Variants in CLNS1A observed in about 807,000 individuals in gnomAD.
CLNS1A encodes the protein chloride nucleotide-sensitive channel 1A, also known as methylosome subunit pICln.
Under a neutral mutation model 29.4 loss-of-function variants are expected in CLNS1A, and 16 were observed. That is an observed-to-expected ratio of 0.54 (90% CI 0.37 to 0.83). CLNS1A has a LOEUF of 0.83. CLNS1A is among the 40% of genes least tolerant of loss of function. The pLI, the probability that CLNS1A is intolerant of heterozygous loss-of-function variation, is 0.00. For missense variants in CLNS1A, 235 were observed against 287.4 expected (o/e 0.82, Z 1.32); for synonymous variants, 96 against 104.8 (o/e 0.92, Z 0.51).
chr11:77,630,015 C>CT, intron 1 of CLNS1A, 116 bp from the exon 2 acceptor site: 1 of 860,618 alleles, frequency 1.2e-6, no homozygotes, highest in Non-Finnish European at 1.7e-6. Context: ...TTCAAGTTTA[C>CT]TTTTTTAGAA....
intron 6 of CLNS1A, 98 bp downstream of exon 6, chr11:77,619,508 A>G: frequency 2.5e-6 from 2 of 800,598 alleles, no homozygotes; most frequent in Non-Finnish European, 4.2e-6. Context: ...TGGGTGACAG[A>G]GTAAGACCCT....
chr11:77,631,779 C>T (rs1320003111), intron 1 of CLNS1A, among the ~76,000 whole-genome samples: 2 of 151,996 alleles, frequency 1.3e-5, no homozygotes, highest in African/African-American at 2.4e-5. Flanking sequence ...ACTCTGTCAC[C>T]CAGGCTGGAG....
At chr11:77,619,504 A>G in intron 6 of CLNS1A, 102 bp downstream of exon 6, 1 of 777,064 alleles carries the variant, frequency 1.3e-6, no homozygotes, top group South Asian at 1.6e-5. Flanking sequence ...AGCCTGGGTG[A>G]CAGAGTAAGA....
chr11:77,634,294 C>T (rs1332527630), intron 1 of CLNS1A, among the ~76,000 whole-genome samples: 1 of 152,186 alleles, frequency 6.6e-6, no homozygotes, highest in Non-Finnish European at 1.5e-5. Context: ...ATGAACATGA[C>T]TCTCTCCTTC....
chr11:77,630,090 G>A (rs11237249), intron 1 of CLNS1A, among the ~76,000 whole-genome samples, 191 bp from the exon 2 acceptor site: 26,118 of 151,856 alleles, frequency 0.17, 2,704 homozygotes, highest in Non-Finnish European at 0.24. Context: ...ATTCTGTTAC[G>A]GTCTCTTTCC....
Position 77,625,016 on chromosome 11 carries a change from T to G in CLNS1A, c.419A>C (p.Glu140Ala). Residue 140 changes from glutamate to alanine, a missense_variant, in exon 4 of 7, where the codon GAG becomes GCG. Physicochemically the swap from Glu to Ala is moderately radical, Grantham distance 107. Transcript: ENST00000525428. The stretch of plus-strand genomic sequence containing the variant: ...ATCGTAGTCATCTGAATCCTCATCC[T>G]CAGGATCTGGATGCAAGGCCTGGCA... The part of the protein sequence containing the change: ...CECQALHPDP[E>A]DEDSDDYDGE... 1 of 1,614,112 alleles carries G rather than the reference T, an allele frequency of 6.2e-7. No individual in the cohort carries two copies. The highest frequency in any genetic ancestry group is 8.5e-7 in the Non-Finnish European group (1 of 1,179,954).
chr11:77,636,280 C>A (rs908018791), intron 1 of CLNS1A, among the ~76,000 whole-genome samples: 1 of 152,050 alleles, frequency 6.6e-6, no homozygotes, highest in Non-Finnish European at 1.5e-5. Flanking sequence ...GCTGCCCAGG[C>A]TGATCTCAAA....
At chr11:77,622,069 C>T in intron 5 of CLNS1A, 1 of 456,340 alleles carries the variant, frequency 2.2e-6, no homozygotes, top group Non-Finnish European at 4.4e-6. Context: ...GAATTGACAG[C>T]CCTCAGAGAT....
At chr11:77,626,704 T>G (rs1185979950) in intron 2 of CLNS1A, among the ~76,000 whole-genome samples, 2 of 146,244 alleles carry the variant, frequency 1.4e-5, no homozygotes, top group African/African-American at 5.1e-5. Context: ...TCATTTTTTT[T>G]TTTTTGAGAC....
chr11:77,619,355 AC>A (rs1958934431), intron 6 of CLNS1A: 6 of 395,068 alleles, frequency 1.5e-5, no homozygotes, highest in Non-Finnish European at 2.8e-5. Flanking sequence ...AACATGTGAG[AC>A]CTTGTCTCTA....
chr11:77,633,454 TAATTA>T (rs1159517017), intron 1 of CLNS1A, among the ~76,000 whole-genome samples: 44 of 152,338 alleles, frequency 2.9e-4, no homozygotes, highest in African/African-American at 1.0e-3. Context: ...CTAAAACATT[TAATTA>T]ATCATACCCA....
At chr11:77,637,549 G>A (rs1214941315) in intron 1 of CLNS1A, 41 bp downstream of exon 1, 1 of 1,571,350 alleles carries the variant, frequency 6.4e-7, no homozygotes, top group Admixed American at 1.8e-5. Flanking sequence ...AAGGAGGAGG[G>A]CGGCGCGCAG....
In CLNS1A at chr11:77,625,006, A is replaced by G. The variant is rs751817097; in HGVS notation, c.429T>C (p.Asp143=). The change falls in exon 4 of 7, where the codon GAT becomes GAC. Residue 143 remains aspartate, a synonymous_variant. Coordinates refer to ENST00000525428, the MANE Select transcript of CLNS1A (RefSeq NM_001293.3). ...ATTCTTCTCCATCGTAGTCATCTGA[A>G]TCCTCATCCTCAGGATCTGGATGCA... ...QALHPDPEDE[D]SDDYDGEEYD... 6.2e-7 allele frequency: 1 copy of G among 1,613,974 alleles called. No individual in the cohort carries two copies.
Position 77,625,792 on chromosome 11 carries a change from C to T in CLNS1A, c.289G>A (p.Glu97Lys), listed in dbSNP as rs767777157. Reference protein sequence around the residue: ...EEESKEPVADEEEEDSDDDVE... With the variant: ...EEESKEPVADKEEEDSDDDVE... The stretch of plus-strand genomic sequence containing the variant: ...TCATCATCACTGTCTTCCTCTTCTT[C>T]ATCAGCAACAGGTTCTTTTGATTCT... The change falls in exon 3 of 7, where the codon GAA becomes AAA. Residue 97 changes from glutamate to lysine, a missense_variant. Coordinates refer to ENST00000525428, the MANE Select transcript of CLNS1A (RefSeq NM_001293.3). 25 of 1,592,798 alleles carry T rather than the reference C, an allele frequency of 1.6e-5. No individual in the cohort carries two copies. The highest frequency in any genetic ancestry group is 2.1e-5 in the Non-Finnish European group (24 of 1,160,998).
intron 6 of CLNS1A, among the ~76,000 whole-genome samples, chr11:77,618,899 T>C (rs1401543860): frequency 6.6e-6 from 1 of 152,212 alleles, no homozygotes; most frequent in Non-Finnish European, 1.5e-5. Context: ...ATATAAATCT[T>C]ACCATGCTAT....
At chr11:77,626,240 C>T (rs1467011136) in intron 2 of CLNS1A, among the ~76,000 whole-genome samples, 1 of 152,188 alleles carries the variant, frequency 6.6e-6, no homozygotes, top group Non-Finnish European at 1.5e-5. Flanking sequence ...GCACTTGCCA[C>T]CACACCCTGC....
At chr11:77,627,747 T>A (rs75613352) in intron 2 of CLNS1A, among the ~76,000 whole-genome samples, 2,285 of 152,336 alleles carry the variant, frequency 0.015, 58 homozygotes, top group African/African-American at 0.051. Flanking sequence ...AAGAGACTAA[T>A]ATACTCCCTT....
chr11:77,621,323 AC>A (rs1238563632), intron 5 of CLNS1A, among the ~76,000 whole-genome samples: 2 of 146,718 alleles, frequency 1.4e-5, no homozygotes, highest in African/African-American at 5.0e-5. Context: ...ACACACACAC[AC>A]ACAATCAGTG....
chr11:77,631,413 C>T (rs546239286), intron 1 of CLNS1A, among the ~76,000 whole-genome samples: 302 of 151,032 alleles, frequency 2.0e-3, no homozygotes, highest in African/African-American at 6.8e-3. Context: ...CTCCGCCTCT[C>T]GGGTTCACGC....
Sources: allele counts gnomAD v4.1 joint callset (sites outside exome capture counted in the v4.1 genomes callset), GRCh38; gene constraint gnomAD v4.1.1; transcripts MANE v1.5; gene names NCBI Gene and HGNC (gene_info 2026-07-23, HGNC 2026-07-21).